The following ACRBP variants were observed in gnomAD, a reference collection of about 807,000 sequenced individuals.
The protein encoded by ACRBP is acrosin binding protein, also known as acrosin-binding protein.
Under a neutral mutation model 69.0 loss-of-function variants are expected in ACRBP, and 52 were observed. The observed-to-expected ratio is 0.75, with a 90% CI of 0.60 to 0.95. The LOEUF is 0.95. ACRBP is among the 40% of genes least tolerant of loss of function. The pLI is 0.00. For missense variants in ACRBP, 604 were observed against 673.0 expected (o/e 0.90, Z 1.13); for synonymous variants, 267 against 258.9 (o/e 1.03, Z -0.30).
chr12:6,645,814 C>T (rs1417438049), intron 3 of ACRBP, among the ~76,000 whole-genome samples: 3 of 151,826 alleles, frequency 2.0e-5, no homozygotes, highest in Non-Finnish European at 4.4e-5. Context: ...GCGCCTGCCA[C>T]CACGCCCAGC....
chr12:6,645,724 G>A lies in ACRBP; in HGVS notation c.358-387C>T, dbSNP rs185947955. ...CACCCAGGCTGGAGTGCAGTGGCGCGATCTCGGCTCACTGCAAGCCCCACC... is the reference window on the plus strand; with the variant it reads ...CACCCAGGCTGGAGTGCAGTGGCGCAATCTCGGCTCACTGCAAGCCCCACC... On this transcript the variant is annotated intron_variant, in intron 3 of 9. Transcript: ENST00000229243. Among the ~76,000 whole-genome samples the A allele has an allele frequency of 4.2e-3, 626 of 150,564 alleles. 1 individual carries two copies. Among genetic ancestry groups the A allele is most frequent in the Middle Eastern group, 0.017 (5 of 294 alleles).
In ACRBP at chr12:6,645,245, G is replaced by T; in HGVS notation, c.450C>A (p.Thr150=). 6.2e-7 allele frequency: 1 copy of T among 1,613,614 alleles called. No homozygotes were observed. Among genetic ancestry groups the T allele is most frequent in the East Asian group, 2.2e-5 (1 of 44,882 alleles). The change falls in exon 4 of 10, where the codon ACC becomes ACA. Residue 150 remains threonine (T), a synonymous_variant. Coordinates refer to ENST00000229243, the MANE Select transcript of ACRBP (RefSeq NM_032489.3). ...ASAEVSPTTM[T]SPISPHFTVT... ...CTGTGAAGTGGGGTGAGATGGGGGA[G>T]GTCATCGTGGTGGGTGAGACTTCAG...
intron 4 of ACRBP, among the ~76,000 whole-genome samples, chr12:6,644,870 C>T (rs1321847406): frequency 6.6e-6 from 1 of 152,220 alleles, no homozygotes; most frequent in African/African-American, 2.4e-5. Flanking sequence ...ATTTGTCCCT[C>T]TCCCTTAGGA....
chr12:6,645,142 G>C, intron 4 of ACRBP, 78 bp downstream of exon 4: 1 of 1,148,678 alleles, frequency 8.7e-7, no homozygotes, highest in Non-Finnish European at 1.3e-6. Context: ...CCATTTCCCT[G>C]CCATGGATGC....
chr12:6,640,075 C>A lies in ACRBP; in HGVS notation c.1410G>T (p.Gly470=). The change falls in exon 8 of 10, where the codon GGG becomes GGT. Residue 470 remains glycine (G), a synonymous_variant. Transcript: ENST00000229243. The surrounding 1 kb of genome is among the most constrained non-coding windows in gnomAD (Gnocchi z 5.3). ...AGGTTCTAACCTTGGTAGGGAAATC[C>A]CCATCCTGGAAGCTAAGGAACTCAG... ...LQTEFLSFQD[G]DFPTKICDTD... The A allele has an allele frequency of 6.2e-7, 1 of 1,614,104 alleles. No individual in the cohort carries two copies. The highest frequency in any genetic ancestry group is 8.5e-7 in the Non-Finnish European group (1 of 1,180,018).
chr12:6,639,171 C>T (rs1592305607), intron 8 of ACRBP, 134 bp from the exon 9 acceptor site: 4 of 737,486 alleles, frequency 5.4e-6, no homozygotes, highest in Admixed American at 4.7e-5. Context: ...ACACAGGCGG[C>T]CCCTCACTCC....
intron 4 of ACRBP, among the ~76,000 whole-genome samples, chr12:6,644,896 G>A (rs1169040024): frequency 6.6e-6 from 1 of 152,136 alleles, no homozygotes; most frequent in Non-Finnish European, 1.5e-5. Context: ...CAAGTATGCT[G>A]AGTAGCTAGC....
chr12:6,644,377 CCTT>C lies in ACRBP; in HGVS notation c.701_703del (p.Glu234del). 6.2e-7 allele frequency: 1 copy of C among 1,613,928 alleles called. No individual in the cohort carries two copies. On this transcript the variant is annotated inframe_deletion, in exon 5 of 10. Transcript: ENST00000229243. ...CTCCCGTCCCTCCTTAGTCCCCTGT[CCTT>C]CTTCCTGCTTTCCCTCCTCTTCCTG...
Position 6,647,392 on chromosome 12 carries a change from C to T in ACRBP, c.-26G>A. On this transcript the variant is annotated 5_prime_UTR_variant, in exon 1 of 10. Coordinates refer to ENST00000229243, the MANE Select transcript of ACRBP (RefSeq NM_032489.3). The stretch of plus-strand genomic sequence containing the variant: ...GGCCGGAGAAGATCCGCCCGCGTCC[C>T]GTGGACACAAGCCGCCTCTAACGGG... 1 of 1,509,580 alleles carries T rather than the reference C, an allele frequency of 6.6e-7. No homozygotes were observed. 93.5% of individuals were successfully genotyped at this position (1,509,580 alleles called of 1,614,324 possible).
In ACRBP at chr12:6,640,356, G is replaced by A; in HGVS notation, c.1244C>T (p.Ser415Phe). ...VSPLLASQSL[S>F]IGNQVGSPES... ...CGGGCTAGATACCTGGTTGCCGATG[G>A]ACAGGCTCTGGGAGGCAAGCAAGGG... Residue 415 changes from serine to phenylalanine, a missense_variant, in exon 7 of 10, where the codon TCC becomes TTC. Around this residue, in one of 3 missense-constraint regions of ACRBP, gnomAD observed 532 missense variants for 562.9 expected, o/e 0.95. Transcript: ENST00000229243. The surrounding 1 kb of genome is among the most constrained non-coding windows in gnomAD (Gnocchi z 5.3). 1 of 1,614,148 alleles carries A rather than the reference G, an allele frequency of 6.2e-7. No individual in the cohort carries two copies. The highest frequency in any genetic ancestry group is 8.5e-7 in the Non-Finnish European group (1 of 1,180,034).
rs759463912 is a variant in ACRBP at position 6,638,298 on chromosome 12, A to G, written c.1616T>C (p.Leu539Pro). Residue 539 changes from leucine to proline, a missense_variant, in exon 10 of 10, where the codon CTA becomes CCA. Leu to Pro is a moderately conservative substitution (Grantham distance 98). This residue lies in a region of ACRBP where 51 missense variants were observed against 60.1 expected (regional missense o/e 0.85). Transcript: ENST00000229243. The part of the protein sequence containing the change: ...RWSQEFSTLT[L>P]GQFG ...GACGCCAGCTCATCCGAACTGGCCT[A>G]GAGTCAAGGTGCTGAACTCCTGGCT... is the stretch of plus-strand genomic sequence containing the variant. The G allele has an allele frequency of 2.5e-6, 4 of 1,614,024 alleles. No individual in the cohort carries two copies. The East Asian group carries it at 6.7e-5, about 27-fold the overall frequency.
rs1479414365 is a variant in ACRBP at position 6,644,384 on chromosome 12, C to T, written c.697G>A (p.Glu233Lys). ...EEEQEEEGKQ[E>K]EGQGTKEGRE... ...CCCTCCTTAGTCCCCTGTCCTTCTT[C>T]CTGCTTTCCCTCCTCTTCCTGTTCC... Residue 233 changes from glutamate (E) to lysine (K), a missense_variant, in exon 5 of 10, where the codon GAA becomes AAA. Glu to Lys is a moderately conservative substitution (Grantham distance 56). Transcript: ENST00000229243. The T allele has an allele frequency of 1.9e-6, 3 of 1,613,990 alleles. No homozygotes were observed. The highest frequency in any genetic ancestry group is 2.2e-5 in the South Asian group (2 of 91,068).
intron 4 of ACRBP, 32 bp from the exon 5 acceptor site, chr12:6,644,637 ACAGT>A (rs1404257947): frequency 1.9e-6 from 3 of 1,572,340 alleles, no homozygotes; most frequent in Non-Finnish European, 2.6e-6. Flanking sequence ...AGGGAGAGAG[ACAGT>A]CAGGCTTCTA....
chr12:6,639,599 A>C (rs1457559108), intron 8 of ACRBP, among the ~76,000 whole-genome samples: 1 of 152,124 alleles, frequency 6.6e-6, no homozygotes, highest in Non-Finnish European at 1.5e-5. Context: ...TCCACAGGGG[A>C]GGTAACTCAG....
At position 6,644,171 on chromosome 12, in the gene ACRBP, C is replaced by T. The variant is rs1161457701; in HGVS notation, c.910G>A (p.Glu304Lys). Residue 304 changes from glutamate (E) to lysine (K), a missense_variant, in exon 5 of 10, where the codon GAG (glutamate) becomes AAG (lysine). Transcript: ENST00000229243. ...TTTTGGTTTCTCCAGTAGGAGTTCT[C>T]ATCATATATTTCATTCATTTCATCT... ...EIDEMNEIYD[E>K]NSYWRNQNPG... 1.3e-5 allele frequency: 21 copies of T among 1,605,608 alleles called. No individual in the cohort carries two copies. Among genetic ancestry groups the T allele is most frequent in the East Asian group, 2.2e-5 (1 of 44,684 alleles).
chr12:6,639,782 C>T (rs1307051675), intron 8 of ACRBP, among the ~76,000 whole-genome samples: 2 of 152,210 alleles, frequency 1.3e-5, no homozygotes, highest in Non-Finnish European at 2.9e-5. Context: ...GTGACTTGAT[C>T]ACAGCCACCC....
intron 1 of ACRBP, 145 bp downstream of exon 1, chr12:6,647,179 G>C: frequency 8.9e-7 from 1 of 1,126,610 alleles, no homozygotes; most frequent in Non-Finnish European, 1.3e-6. Context: ...CGCGGGCGGG[G>C]GGAGATGGGA....
Position 6,646,914 on chromosome 12 carries a change from C to T in ACRBP, c.142G>A (p.Ala48Thr). The change falls in exon 2 of 10, where the codon GCA (alanine) becomes ACA (threonine). Residue 48 changes from alanine to threonine, a missense_variant. Around this residue, in one of 3 missense-constraint regions of ACRBP, gnomAD observed 532 missense variants for 562.9 expected, o/e 0.95. Transcript: ENST00000229243. Reference protein sequence around the residue: ...LSPTEYERFFALLTPTWKAET... With the variant: ...LSPTEYERFFTLLTPTWKAET... Reference sequence around the variant, plus strand: ...GCCTTCCAGGTTGGAGTCAGCAGTGCGAAGAAGCGTTCGTATTCGGTAGGA... The same window carrying T: ...GCCTTCCAGGTTGGAGTCAGCAGTGTGAAGAAGCGTTCGTATTCGGTAGGA... The T allele has an allele frequency of 1.2e-6, 2 of 1,614,030 alleles. No individual in the cohort carries two copies. Among genetic ancestry groups the T allele is most frequent in the Non-Finnish European group, 8.5e-7 (1 of 1,180,028 alleles).
At position 6,644,263 on chromosome 12, in the gene ACRBP, C is replaced by T. The variant is rs377357185; in HGVS notation, c.818G>A (p.Arg273Gln). 3.0e-5 allele frequency: 48 copies of T among 1,614,032 alleles called. No homozygotes were observed. Among genetic ancestry groups the T allele is most frequent in the Non-Finnish European group, 4.0e-5 (47 of 1,180,046 alleles). ...TATCATAGGAGTAGACTCTACTTCTCGTACCCGGGGAGCAAAAGAGGAAGG... is the reference window on the plus strand; with the variant it reads ...TATCATAGGAGTAGACTCTACTTCTTGTACCCGGGGAGCAAAAGAGGAAGG... Reference protein sequence around the residue: ...SNPSSFAPRVREVESTPMIME... With the variant: ...SNPSSFAPRVQEVESTPMIME... The change falls in exon 5 of 10, where the codon CGA (arginine) becomes CAA (glutamine). Residue 273 changes from arginine (R) to glutamine (Q), a missense_variant. Physicochemically the swap from Arg to Gln is conservative, Grantham distance 43 (BLOSUM62 1). This residue lies in a region of ACRBP where 532 missense variants were observed against 562.9 expected (regional missense o/e 0.95). Coordinates refer to ENST00000229243, the MANE Select transcript of ACRBP (RefSeq NM_032489.3).
Sources: allele counts gnomAD v4.1 joint callset (sites outside exome capture counted in the v4.1 genomes callset), GRCh38; gene constraint gnomAD v4.1.1; regional missense constraint gnomAD v4.1.1; non-coding constraint Gnocchi (gnomAD v3.1); transcripts MANE v1.5; gene names NCBI Gene and HGNC (gene_info 2026-07-23, HGNC 2026-07-21).